PCDHA1: variants seen among roughly 807,000 people sequenced by gnomAD.
PCDHA1 encodes the protein protocadherin alpha 1.
In PCDHA1, 42 loss-of-function variants were observed where a neutral mutation model predicts 61.3. The observed-to-expected ratio is 0.69, with a 90% CI of 0.54 to 0.89. The LOEUF (loss-of-function observed/expected upper bound fraction) is 0.89. Among genes scored for constraint, PCDHA1 ranks in the 40% least tolerant of loss-of-function variants. The pLI is 0.00. For missense variants in PCDHA1, 1,256 were observed against 1,235.3 expected (o/e 1.02, Z -0.25); for synonymous variants, 610 against 553.8 (o/e 1.10, Z -1.43).
At chr5:140,849,996 G>A (rs2150462323) in intron 1 of PCDHA1, 4 of 1,597,014 alleles carry the variant, frequency 2.5e-6, no homozygotes, top group African/African-American at 2.7e-5. Flanking sequence ...GCGGTTGGGC[G>A]AGCGCTCGCT....
rs782401003 is a variant in PCDHA1, at chr5:140,858,196, C to T, written c.2394+69512C>T. 3 of 1,597,174 alleles carry T rather than the reference C, an allele frequency of 1.9e-6. No individual in the cohort carries two copies. The East Asian group carries it at 6.7e-5, about 36-fold the overall frequency. On this transcript the variant is annotated intron_variant, in intron 1 of 3. Coordinates refer to ENST00000504120, the MANE Select transcript of PCDHA1 (RefSeq NM_018900.4). ...TGCTGGTGCTCACGCTGCTGCTGTA[C>T]ACTGCACTGAGGTGCTCGGCGGCGC...
At chr5:140,984,371 C>T (rs2097099528) in intron 3 of PCDHA1, among the ~76,000 whole-genome samples, 1 of 152,150 alleles carries the variant, frequency 6.6e-6, no homozygotes, top group African/African-American at 2.4e-5. Flanking sequence ...TGGCCAAGTC[C>T]CTCTTTCAGA....
Position 140,788,698 on chromosome 5 carries a change from T to C in PCDHA1, c.2394+14T>C, listed in dbSNP as rs781820897. On this transcript the variant is annotated intron_variant, in intron 1 of 3. Transcript: ENST00000504120. Reference sequence around the variant, plus strand: ...CTTTCTGGTAATGTAAGTCCAACTTTCGAGTTTTGGCTTTAAATATTTTTC... The same window carrying C: ...CTTTCTGGTAATGTAAGTCCAACTTCCGAGTTTTGGCTTTAAATATTTTTC... 8 of 1,530,018 alleles carry C rather than the reference T, an allele frequency of 5.2e-6. No homozygotes were observed. The South Asian group carries it at 8.9e-5, about 17-fold the overall frequency. The allele number at this position is 1,530,018 out of a possible 1,614,324, so 94.8% of individuals were successfully genotyped here.
At chr5:140,920,616 C>A (rs929240808) in intron 1 of PCDHA1, among the ~76,000 whole-genome samples, 1 of 152,012 alleles carries the variant, frequency 6.6e-6, no homozygotes, top group African/African-American at 2.4e-5. Flanking sequence ...GAGGCCGAGG[C>A]GGATGGATCA....
chr5:140,869,445 G>T, intron 1 of PCDHA1: 2 of 1,614,232 alleles, frequency 1.2e-6, no homozygotes, highest in Non-Finnish European at 1.7e-6. Flanking sequence ...ACAGGCCGCT[G>T]CAGGTTTTCC....
chr5:140,823,895 C>G, intron 1 of PCDHA1: 1 of 1,613,974 alleles, frequency 6.2e-7, no homozygotes, highest in Non-Finnish European at 8.5e-7. Flanking sequence ...TGTGCGGTGT[C>G]CAGCCTGCTG....
intron 1 of PCDHA1, chr5:140,803,483 G>C (rs782257079): frequency 3.1e-6 from 5 of 1,614,220 alleles, no homozygotes; most frequent in South Asian, 1.1e-5. Context: ...GCTCTGGAGA[G>C]GGGTTGCCCA....
chr5:140,788,390 G>A lies in PCDHA1; in HGVS notation c.2100G>A (p.Leu700=). The stretch of plus-strand genomic sequence containing the variant: ...CGCTGGTGGATGTCAACGTGTACCT[G>A]ATCATCGCCATCTGCGCGGTGTCCA... ...EAALVDVNVY[L]IIAICAVSSL... is the part of the protein sequence containing the mutation. Residue 700 remains leucine (L), a synonymous_variant, in exon 1 of 4, where the codon CTG becomes CTA. Transcript: ENST00000504120. The A allele has an allele frequency of 6.2e-7, 1 of 1,614,062 alleles. No homozygotes were observed. The highest frequency in any genetic ancestry group is 8.5e-7 in the Non-Finnish European group (1 of 1,179,986).
intron 1 of PCDHA1, among the ~76,000 whole-genome samples, chr5:140,916,666 A>G (rs782065585): frequency 2.0e-5 from 3 of 152,176 alleles, no homozygotes; most frequent in Non-Finnish European, 2.9e-5. Flanking sequence ...AAGATGCAAG[A>G]CAAAGTCCTC....
intron 1 of PCDHA1, chr5:140,841,829 T>C (rs1470654104): frequency 1.9e-6 from 3 of 1,613,780 alleles, no homozygotes; most frequent in Non-Finnish European, 2.5e-6. Context: ...CGTGTTAACC[T>C]ACAGGCTTAG....
rs181377286 is a variant in PCDHA1 at position 140,886,682 on chromosome 5, G to C, written c.2395-92267G>C. Among the ~76,000 whole-genome samples, 463 of 151,736 alleles carry C rather than the reference G, an allele frequency of 3.1e-3. 3 individuals carry two copies. Among genetic ancestry groups the C allele is most frequent in the Middle Eastern group, 0.014 (4 of 294 alleles). The stretch of plus-strand genomic sequence containing the variant: ...CTCTACTAAAAATACAAAAATTAGC[G>C]AGGCATGGTGGCACGCGCCTGTAAT... On this transcript the variant is annotated intron_variant, in intron 1 of 3. Coordinates refer to ENST00000504120, the MANE Select transcript of PCDHA1 (RefSeq NM_018900.4).
intron 1 of PCDHA1, among the ~76,000 whole-genome samples, chr5:140,903,138 A>T (rs188809018): frequency 6.6e-6 from 1 of 152,258 alleles, no homozygotes; most frequent in East Asian, 1.9e-4. Context: ...AAATCTCCAA[A>T]CTGTTTTCCA....
At chr5:140,838,077 A>ATAGT (rs1203070308) in intron 1 of PCDHA1, among the ~76,000 whole-genome samples, 13 of 80,664 alleles carry the variant, frequency 1.6e-4, no homozygotes, top group Non-Finnish European at 3.2e-4. Flanking sequence ...ATATATATAT[A>ATAGT]GTGTGTGTGT....
rs2150461190 is a variant in PCDHA1 at position 140,849,977 on chromosome 5, G to C, written c.2394+61293G>C. On this transcript the variant is annotated intron_variant, in intron 1 of 3. Coordinates refer to ENST00000504120, the MANE Select transcript of PCDHA1 (RefSeq NM_018900.4). ...AGAACGCCCTGGTGTCCTACTCGCT[G>C]GTGGAGCGGCGGTTGGGCGAGCGCT... 2.2e-5 allele frequency: 35 copies of C among 1,597,540 alleles called. 4 individuals are homozygous for C. The highest frequency in any genetic ancestry group is 3.0e-5 in the Non-Finnish European group (35 of 1,167,900).
chr5:140,791,856 A>G (rs1554118723), intron 1 of PCDHA1, among the ~76,000 whole-genome samples: 1 of 151,924 alleles, frequency 6.6e-6, no homozygotes, highest in African/African-American at 2.4e-5. Flanking sequence ...TTTGTGAAAG[A>G]CTAGGTTGAA....
chr5:140,824,002 G>T (rs1554129685), intron 1 of PCDHA1: 7 of 1,614,092 alleles, frequency 4.3e-6, no homozygotes, highest in Non-Finnish European at 5.9e-6. Flanking sequence ...GTGCTCCAGC[G>T]CGGTGGGGAG....
intron 1 of PCDHA1, chr5:140,842,916 A>T: frequency 6.3e-7 from 1 of 1,594,694 alleles, no homozygotes; most frequent in East Asian, 2.2e-5. Flanking sequence ...GAGCTGCTGC[A>T]GTTCCAGGTG....
chr5:140,843,556 G>A, intron 1 of PCDHA1: 1 of 1,595,980 alleles, frequency 6.3e-7, no homozygotes, highest in Non-Finnish European at 8.6e-7. Context: ...CCAGTGCGGT[G>A]GGGAGCTGGT....
At chr5:140,849,302 A>T in intron 1 of PCDHA1, 3 of 1,281,278 alleles carry the variant, frequency 2.3e-6, no homozygotes, top group Non-Finnish European at 3.2e-6. Context: ...CCTCAGATTT[A>T]GACGAAGGCT....
Sources: allele counts gnomAD v4.1 joint callset (sites outside exome capture counted in the v4.1 genomes callset), GRCh38; gene constraint gnomAD v4.1.1; transcripts MANE v1.5; gene names NCBI Gene and HGNC (gene_info 2026-07-23, HGNC 2026-07-21).